The following TGFBI variants were observed in gnomAD, a reference collection of about 807,000 sequenced individuals.
TGFBI encodes the protein transforming growth factor-beta-induced protein ig-h3.
TGFBI carries 50 observed loss-of-function variants against 73.7 expected under a neutral mutation model. The observed-to-expected ratio is 0.68, with a 90% CI of 0.54 to 0.86. TGFBI has a LOEUF of 0.86. Ranked by LOEUF, TGFBI falls within the 40% of genes least tolerant of loss-of-function variation. TGFBI has a pLI of 0.00. For synonymous variants in TGFBI, 362 were observed against 360.5 expected, an observed-to-expected ratio of 1.00 and a Z score of -0.05; for missense variants, 839 against 877.0, an observed-to-expected ratio of 0.96 and a Z score of 0.55.
At chr5:136,049,216 C>T (rs1751488358) in intron 6 of TGFBI, 2 of 498,678 alleles carry the variant, frequency 4.0e-6, no homozygotes, top group Non-Finnish European at 3.6e-6. Context: ...AGAGGAAAGG[C>T]AGGTTAAGGA....
At chr5:136,056,881 G>A in intron 12 of TGFBI, 86 bp downstream of exon 12, 2 of 1,466,892 alleles carry the variant, frequency 1.4e-6, no homozygotes, top group Non-Finnish European at 1.8e-6. Context: ...GCACATCAAG[G>A]ATTGACTTGA....
intron 12 of TGFBI, 59 bp downstream of exon 12, chr5:136,056,854 C>G: frequency 6.5e-7 from 1 of 1,539,480 alleles, no homozygotes; most frequent in Non-Finnish European, 8.8e-7. Flanking sequence ...CCTCAGGGCC[C>G]CAGCAGCAAA....
chr5:136,034,935 C>T (rs930852042), intron 2 of TGFBI, among the ~76,000 whole-genome samples: 1 of 152,208 alleles, frequency 6.6e-6, no homozygotes, highest in Admixed American at 6.5e-5. Context: ...TGTGACATTG[C>T]TTTTGAGCAG....
Position 136,053,210 on chromosome 5 carries a change from T to C in TGFBI, c.1126+91T>C, listed in dbSNP as rs1580718692. 7.1e-6 allele frequency: 9 copies of C among 1,263,556 alleles called. No homozygotes were observed. The East Asian group carries it at 2.2e-4, about 31-fold the overall frequency. 78.3% of individuals were successfully genotyped at this position (1,263,556 alleles called of 1,614,324 possible). The stretch of plus-strand genomic sequence containing the variant: ...CGGGGGAGGGGAAATTCAGAGATCT[T>C]TGGGCGACTTCCCTGCCTGGACCCA... On this transcript the variant is annotated intron_variant, in intron 8 of 16. Transcript: ENST00000442011.
At position 136,029,097 on chromosome 5, in the gene TGFBI, G is replaced by C. The variant is rs1465394736; in HGVS notation, c.42G>C (p.Leu14=). The C allele has an allele frequency of 1.3e-6, 2 of 1,526,414 alleles. No homozygotes were observed. Among genetic ancestry groups the C allele is most frequent in the Non-Finnish European group, 1.7e-6 (2 of 1,143,782 alleles). The allele number at this position is 1,526,414 out of a possible 1,614,324, so 94.6% of individuals were successfully genotyped here. A position where few individuals can be genotyped will look rare whatever the true frequency, so the allele number is the denominator to read the frequency against. The part of the protein sequence containing the change: ...FVRLLALALA[L]ALGPAATLAG... The stretch of plus-strand genomic sequence containing the variant: ...GGCTGCTGGCTCTCGCCCTGGCTCT[G>C]GCCCTGGGCCCCGCCGCGACCCTGG... Residue 14 remains leucine (L), a synonymous_variant, in exon 1 of 17, where the codon CTG becomes CTC. Transcript: ENST00000442011.
chr5:136,059,712 C>T (rs1024362801), intron 13 of TGFBI, among the ~76,000 whole-genome samples: 5 of 152,152 alleles, frequency 3.3e-5, no homozygotes, highest in Non-Finnish European at 5.9e-5. Context: ...GATAGCCAGC[C>T]GAGCTCCAGA....
At chr5:136,029,992 G>T (rs1751088384) in intron 1 of TGFBI, among the ~76,000 whole-genome samples, 1 of 152,158 alleles carries the variant, frequency 6.6e-6, no homozygotes, top group Admixed American at 6.5e-5. Context: ...CAAGCAGAAG[G>T]TCTGGTCTGA....
chr5:136,044,016 G>A, intron 2 of TGFBI, 42 bp from the exon 3 acceptor site: 1 of 1,577,642 alleles, frequency 6.3e-7, no homozygotes. Context: ...GTGAGGAACA[G>A]TGAAGCCCTG....
In TGFBI at chr5:136,047,378, C is replaced by G. The variant is rs1419998860; in HGVS notation, c.729C>G (p.Ile243Met). The G allele has an allele frequency of 6.2e-7, 1 of 1,613,894 alleles. No homozygotes were observed. Among genetic ancestry groups the G allele is most frequent in the Admixed American group, 1.7e-5 (1 of 60,016 alleles). Reference sequence around the variant, plus strand: ...TCATCTCCACCATCACCAACAACATCCAGCAGATCATTGAGATCGAGGACA... The same window carrying G: ...TCATCTCCACCATCACCAACAACATGCAGCAGATCATTGAGATCGAGGACA... ...DKVISTITNN[I>M]QQIIEIEDTF... Residue 243 changes from isoleucine to methionine, a missense_variant, in exon 6 of 17, where the codon ATC (isoleucine) becomes ATG (methionine). Coordinates refer to ENST00000442011, the MANE Select transcript of TGFBI (RefSeq NM_000358.3).
At chr5:136,061,357 C>A in intron 14 of TGFBI, 143 bp from the exon 15 acceptor site, 1 of 680,750 alleles carries the variant, frequency 1.5e-6, no homozygotes, top group Non-Finnish European at 2.6e-6. Context: ...CAAGTTCTAC[C>A]ATGAGTTATG....
In TGFBI at chr5:136,046,481, G is replaced by A; in HGVS notation, c.445G>A (p.Ala149Thr). 1.2e-6 allele frequency: 2 copies of A among 1,608,378 alleles called. No individual in the cohort carries two copies. Among genetic ancestry groups the A allele is most frequent in the Non-Finnish European group, 1.7e-6 (2 of 1,176,388 alleles). ...TIFAPSNEAW[A>T]SLPAEVLDSL... ...CTTCGCCCCTAGCAACGAGGCCTGGGCCTCCTTGCCAGCTGTGAGATGACC... is the reference window on the plus strand; with the variant it reads ...CTTCGCCCCTAGCAACGAGGCCTGGACCTCCTTGCCAGCTGTGAGATGACC... The change falls in exon 4 of 17, where the codon GCC becomes ACC. Residue 149 changes from alanine to threonine, a missense_variant. By Grantham distance (58) the Ala-to-Thr change is moderately conservative. Coordinates refer to ENST00000442011, the MANE Select transcript of TGFBI (RefSeq NM_000358.3).
intron 6 of TGFBI, 144 bp from the exon 7 acceptor site, chr5:136,049,295 G>A (rs1488309345): frequency 1.8e-6 from 2 of 1,131,374 alleles, no homozygotes; most frequent in African/African-American, 1.6e-5. Flanking sequence ...GGTCATGGGT[G>A]AGCTTGGGTT....
Position 136,029,187 on chromosome 5 carries a change from C to A in TGFBI, c.132C>A (p.His44Gln). ...ACAGCAGGCTCCGGGGCCGCCAGCA[C>A]GGGTAAGCCGAGCCGCCTGGCCAGG... ...LQHSRLRGRQ[H>Q]GPNVCAVQKV... The change falls in exon 1 of 17, where the codon CAC becomes CAA. Residue 44 changes from histidine (H) to glutamine (Q), a missense_variant and splice_region_variant. Transcript: ENST00000442011. 6.7e-7 allele frequency: 1 copy of A among 1,492,462 alleles called. No homozygotes were observed. The highest frequency in any genetic ancestry group is 8.9e-7 in the Non-Finnish European group (1 of 1,126,180). 92.5% of individuals were successfully genotyped at this position (1,492,462 alleles called of 1,614,324 possible).
In TGFBI at chr5:136,047,155, C is replaced by T. The variant is rs146267627; in HGVS notation, c.625-119C>T. 265 of 1,534,314 alleles carry T rather than the reference C, an allele frequency of 1.7e-4. 1 individual carries two copies. In the African/African-American group the frequency reaches 3.3e-3, roughly 19 times the overall value. ...CTGCTTCTCCTTGGGCCCTCTATTCCACAGCTTGTGGAACCCACATTTTGC... is the reference window on the plus strand; with the variant it reads ...CTGCTTCTCCTTGGGCCCTCTATTCTACAGCTTGTGGAACCCACATTTTGC... On this transcript the variant is annotated intron_variant, in intron 5 of 16. Transcript: ENST00000442011.
At chr5:136,053,302 G>T (rs1196096356) in intron 8 of TGFBI, among the ~76,000 whole-genome samples, 183 bp downstream of exon 8, 1 of 152,252 alleles carries the variant, frequency 6.6e-6, no homozygotes, top group Non-Finnish European at 1.5e-5. Flanking sequence ...TGAGCTTCAG[G>T]CTTGCAAGTG....
intron 1 of TGFBI, among the ~76,000 whole-genome samples, chr5:136,030,533 AGAG>A (rs1399223859): frequency 6.6e-6 from 1 of 152,162 alleles, no homozygotes; most frequent in Non-Finnish European, 1.5e-5. Context: ...CCTCCTGGAA[AGAG>A]GAGAATACTG....
intron 6 of TGFBI, 81 bp downstream of exon 6, chr5:136,047,501 G>T: frequency 1.3e-6 from 2 of 1,558,574 alleles, no homozygotes; most frequent in Admixed American, 1.7e-5. Flanking sequence ...TCTTCTGCAG[G>T]AGAGGTAGAG....
intron 11 of TGFBI, 173 bp from the exon 12 acceptor site, chr5:136,056,492 C>T: frequency 1.4e-6 from 1 of 735,006 alleles, no homozygotes; most frequent in Non-Finnish European, 2.2e-6. Context: ...AGCCTGGAAT[C>T]ACTCCCTCTT....
At chr5:136,061,181 C>T (rs906325261) in intron 14 of TGFBI, 1 of 578,432 alleles carries the variant, frequency 1.7e-6, no homozygotes, top group Non-Finnish European at 3.1e-6. Context: ...CCCTCGGACA[C>T]AGCCCAGTTT....
Sources: allele counts gnomAD v4.1 joint callset (sites outside exome capture counted in the v4.1 genomes callset), GRCh38; gene constraint gnomAD v4.1.1; transcripts MANE v1.5; gene names NCBI Gene and HGNC (gene_info 2026-07-23, HGNC 2026-07-21).